Variants in ANKFY1 observed in about 807,000 individuals in gnomAD.
ANKFY1 encodes ankyrin repeat and FYVE domain-containing protein 1.
ANKFY1 carries 47 observed loss-of-function variants against 128.3 expected under a neutral mutation model. The ratio of observed to expected loss-of-function variants is 0.37; its 90% CI spans 0.29 to 0.47. The LOEUF (loss-of-function observed/expected upper bound fraction) is 0.47. Among genes scored for constraint, ANKFY1 ranks in the 20% least tolerant of loss-of-function variants. The probability of loss-of-function intolerance (pLI) is 1.00; values close to 1 mark genes in which losing one functional copy is unlikely to be tolerated. For missense variants in ANKFY1, 1,222 were observed against 1,510.6 expected (o/e 0.81, Z 3.17); for synonymous variants, 553 against 601.6 (o/e 0.92, Z 1.18).
intron 20 of ANKFY1, among the ~76,000 whole-genome samples, 180 bp from the exon 21 acceptor site, chr17:4,173,624 A>T (rs545415660): frequency 6.6e-6 from 1 of 152,200 alleles, no homozygotes; most frequent in African/African-American, 2.4e-5. Flanking sequence ...ATGCAATCTC[A>T]TGATTGCTCT....
At position 4,167,521 on chromosome 17, in the gene ANKFY1, C is replaced by A. The variant is rs1394928115; in HGVS notation, c.*258G>T. On this transcript the variant is annotated 3_prime_UTR_variant, in exon 25 of 25. Coordinates refer to ENST00000341657, the MANE Select transcript of ANKFY1 (RefSeq NM_001330063.2). This position sits in a 1 kb window ranked among gnomAD's most constrained non-coding sequence, Gnocchi z 4.1. ...AATGGGGAGAGGTCTAATTCCTAAT[C>A]ACATTTACCACTTAGGCCCAATGGC... 8.7e-6 allele frequency: 3 copies of A among 345,304 alleles called. No homozygotes were observed. Among genetic ancestry groups the A allele is most frequent in the Non-Finnish European group, 1.6e-5 (3 of 191,642 alleles). 21.4% of individuals were successfully genotyped at this position (345,304 alleles called of 1,614,324 possible).
At chr17:4,190,244 C>A (rs1385247977) in intron 10 of ANKFY1, among the ~76,000 whole-genome samples, 1 of 152,110 alleles carries the variant, frequency 6.6e-6, no homozygotes, top group African/African-American at 2.4e-5. Context: ...AGTTTGAGAT[C>A]AGCCCGGCCG....
chr17:4,255,971 C>A (rs1465770412), intron 1 of ANKFY1, among the ~76,000 whole-genome samples: 2 of 152,142 alleles, frequency 1.3e-5, no homozygotes, highest in African/African-American at 4.8e-5. Flanking sequence ...GAGTGCACCA[C>A]CAAGCCTGGC....
chr17:4,197,608 C>A (rs747367190), intron 7 of ANKFY1, 31 bp from the exon 8 acceptor site: 4 of 1,601,218 alleles, frequency 2.5e-6, no homozygotes, highest in East Asian at 4.5e-5. Context: ...GAAACAGTGT[C>A]AGGGCAAAGT....
rs188095619 is a variant in ANKFY1, at chr17:4,227,268, A to G, written c.322+8504T>C. On this transcript the variant is annotated intron_variant, in intron 3 of 24. Coordinates refer to ENST00000341657, the MANE Select transcript of ANKFY1 (RefSeq NM_001330063.2). ...TGATAGAGACATTAAAAAAAATTAC[A>G]TACCAATATCCCTCATGATTACTGT... Among the ~76,000 whole-genome samples the G allele has an allele frequency of 4.9e-3, 751 of 152,300 alleles. 5 individuals carry two copies. Among genetic ancestry groups the G allele is most frequent in the African/African-American group, 0.018 (731 of 41,560 alleles).
chr17:4,236,046 T>G (rs1718343058), intron 2 of ANKFY1, among the ~76,000 whole-genome samples, 156 bp from the exon 3 acceptor site: 1 of 152,230 alleles, frequency 6.6e-6, no homozygotes, highest in Non-Finnish European at 1.5e-5. Flanking sequence ...AGCACTGAAT[T>G]CTGGTGAGTC....
chr17:4,240,409 T>TTA (rs1967149438), intron 2 of ANKFY1, among the ~76,000 whole-genome samples: 1 of 151,034 alleles, frequency 6.6e-6, no homozygotes, highest in Admixed American at 6.6e-5. Context: ...TTTATTTTTT[T>TTA]AAGACAGGGT....
intron 7 of ANKFY1, among the ~76,000 whole-genome samples, chr17:4,201,855 G>T (rs531097273): frequency 6.6e-5 from 10 of 152,266 alleles, no homozygotes; most frequent in African/African-American, 2.2e-4. Flanking sequence ...CATATACGCA[G>T]AGGGTCCTAC....
At chr17:4,215,460 A>G (rs2060205821) in intron 4 of ANKFY1, among the ~76,000 whole-genome samples, 1 of 152,130 alleles carries the variant, frequency 6.6e-6, no homozygotes, top group South Asian at 2.1e-4. Context: ...CGGCTGCTTC[A>G]CACTGAACCG....
chr17:4,222,950 C>T, intron 3 of ANKFY1: 1 of 1,242,242 alleles, frequency 8.0e-7, no homozygotes, highest in Non-Finnish European at 1.2e-6. Context: ...AGAAGAACGA[C>T]TTGAGAAGTG....
chr17:4,221,094 GT>G (rs1441793692), intron 3 of ANKFY1, among the ~76,000 whole-genome samples: 1 of 152,212 alleles, frequency 6.6e-6, no homozygotes, highest in Non-Finnish European at 1.5e-5. Flanking sequence ...ATGTGGCCTA[GT>G]TTTTTGTTTT....
intron 1 of ANKFY1, among the ~76,000 whole-genome samples, chr17:4,255,269 CAA>C (rs1968057945): frequency 8.9e-6 from 1 of 111,858 alleles, no homozygotes; most frequent in Non-Finnish European, 1.7e-5. Flanking sequence ...TTTTTTGAGA[CAA>C]GAGTTTCTCT....
intron 1 of ANKFY1, among the ~76,000 whole-genome samples, chr17:4,243,099 GCT>G (rs1967340740): frequency 6.6e-6 from 1 of 151,814 alleles, no homozygotes; most frequent in South Asian, 2.1e-4. Flanking sequence ...ACAGAGTCTT[GCT>G]CTGTCATGAG....
rs112920194 is a variant in ANKFY1, at chr17:4,185,236, C to T, written c.1471-190G>A. Among the ~76,000 whole-genome samples, 516 of 152,176 alleles carry T rather than the reference C, an allele frequency of 3.4e-3. 3 individuals carry two copies. The highest frequency in any genetic ancestry group is 0.012 in the African/African-American group (493 of 41,498). On this transcript the variant is annotated intron_variant, in intron 11 of 24. Transcript: ENST00000341657. ...TTTTGTTTGTTTTGAGACGGAGTCC[C>T]GCTCTGTCACCCAGGCTGGAGTGCA...
intron 1 of ANKFY1, among the ~76,000 whole-genome samples, chr17:4,256,279 T>A (rs868696587): frequency 1.3e-5 from 2 of 152,082 alleles, no homozygotes; most frequent in Non-Finnish European, 2.9e-5. Flanking sequence ...ATACAAAAAA[T>A]TAGCCAGGCG....
chr17:4,167,720 A>G lies in ANKFY1; in HGVS notation c.*59T>C, dbSNP rs1237060669. 7.2e-6 allele frequency: 11 copies of G among 1,536,666 alleles called. No homozygotes were observed. The South Asian group carries it at 1.2e-4, about 17-fold the overall frequency. ...TGCTCTGGGTGGGGTCAGGCTGGTG[A>G]GCAGAGCAGCTGCTGGGGAGGTGAC... On this transcript the variant is annotated 3_prime_UTR_variant, in exon 25 of 25. Coordinates refer to ENST00000341657, the MANE Select transcript of ANKFY1 (RefSeq NM_001330063.2). The surrounding 1 kb of genome is among the most constrained non-coding windows in gnomAD (Gnocchi z 4.1).
At chr17:4,191,493 T>A (rs1156406346) in intron 10 of ANKFY1, among the ~76,000 whole-genome samples, 13 of 150,492 alleles carry the variant, frequency 8.6e-5, no homozygotes, top group African/African-American at 3.2e-4. Context: ...ATCTGGAGAC[T>A]CTTAGTTGAT....
In ANKFY1 at chr17:4,235,712, A is replaced by G. The variant is rs1353745398; in HGVS notation, c.322+60T>C. 2.5e-6 allele frequency: 3 copies of G among 1,204,448 alleles called. No individual in the cohort carries two copies. In the Admixed American group the frequency reaches 5.4e-5, roughly 22 times the overall value. 74.6% of individuals were successfully genotyped at this position (1,204,448 alleles called of 1,614,324 possible). ...AAATATTTCAAAATGAGACACCACA[A>G]CCTTCTGCCAAGAGCCCTTCCGCTA... On this transcript the variant is annotated intron_variant, in intron 3 of 24. Coordinates refer to ENST00000341657, the MANE Select transcript of ANKFY1 (RefSeq NM_001330063.2).
At chr17:4,245,861 T>G (rs1018918266) in intron 1 of ANKFY1, among the ~76,000 whole-genome samples, 4 of 151,670 alleles carry the variant, frequency 2.6e-5, no homozygotes, top group African/African-American at 9.7e-5. Flanking sequence ...CTGGCCAATA[T>G]GGTGAAACCC....
Sources: allele counts gnomAD v4.1 joint callset (sites outside exome capture counted in the v4.1 genomes callset), GRCh38; gene constraint gnomAD v4.1.1; non-coding constraint Gnocchi (gnomAD v3.1); transcripts MANE v1.5; gene names NCBI Gene and HGNC (gene_info 2026-07-23, HGNC 2026-07-21).